The following CHN2 variants were observed in gnomAD, a reference collection of about 807,000 sequenced individuals.
CHN2 encodes chimerin 2.
Under a neutral mutation model 56.3 loss-of-function variants are expected in CHN2, and 35 were observed. The observed-to-expected ratio is 0.62, with a 90% CI of 0.47 to 0.82. The LOEUF is 0.82. Ranked by LOEUF, CHN2 falls within the 40% of genes least tolerant of loss-of-function variation. The probability of loss-of-function intolerance (pLI) is 0.00; values close to 1 mark genes in which losing one functional copy is unlikely to be tolerated. For synonymous variants in CHN2, 210 were observed against 212.8 expected (o/e 0.99, Z 0.12); for missense variants, 491 against 580.5 (o/e 0.85, Z 1.58).
At chr7:29,221,328 G>A (rs969482260) in intron 1 of CHN2, among the ~76,000 whole-genome samples, 1 of 152,166 alleles carries the variant, frequency 6.6e-6, no homozygotes, top group African/African-American at 2.4e-5. Flanking sequence ...TAACAAGAAT[G>A]CTGGATGCAA....
intron 2 of CHN2, among the ~76,000 whole-genome samples, chr7:29,166,433 C>T (rs558243040): frequency 6.6e-6 from 1 of 152,214 alleles, no homozygotes; most frequent in South Asian, 2.1e-4. Context: ...GAGAAGCCAT[C>T]TTGGCTTGAT....
At chr7:29,348,609 T>C (rs1243890965) in intron 1 of CHN2, among the ~76,000 whole-genome samples, 1 of 152,220 alleles carries the variant, frequency 6.6e-6, no homozygotes, top group African/African-American at 2.4e-5. Context: ...CATGACCTTT[T>C]GCAGCAGAAA....
At chr7:29,204,067 CTGTGTG>C (rs55930139) in intron 1 of CHN2, among the ~76,000 whole-genome samples, 29,250 of 128,422 alleles carry the variant, frequency 0.23, 3,035 homozygotes, top group Admixed American at 0.26. Context: ...TTCTCTCTCT[CTGTGTG>C]TGTGTGTGTG....
At position 29,512,564 on chromosome 7, in the gene CHN2, G is replaced by A; in HGVS notation, c.1236G>A (p.Lys412=). ...TCTGTTCTATATGTTTGTTTTGCAG[G>A]GTTACTATGAATGAAAAAGACAATT... is the stretch of plus-strand genomic sequence containing the variant. ...TLRYLMIHLK[K]VTMNEKDNFM... The change falls in exon 13 of 13, where the codon AAG becomes AAA. Residue 412 remains lysine (K), a splice_region_variant and synonymous_variant. Coordinates refer to ENST00000222792, the MANE Select transcript of CHN2 (RefSeq NM_004067.4). The A allele has an allele frequency of 6.2e-7, 1 of 1,611,158 alleles. No individual in the cohort carries two copies. Among genetic ancestry groups the A allele is most frequent in the South Asian group, 1.1e-5 (1 of 90,464 alleles).
At chr7:29,219,110 A>G (rs1314944627) in intron 1 of CHN2, among the ~76,000 whole-genome samples, 1 of 152,228 alleles carries the variant, frequency 6.6e-6, no homozygotes, top group Non-Finnish European at 1.5e-5. Flanking sequence ...TTGAAACCGC[A>G]GTGGCCCAGG....
intron 6 of CHN2, among the ~76,000 whole-genome samples, chr7:29,426,795 A>C (rs1323281052): frequency 1.3e-5 from 2 of 152,104 alleles, no homozygotes; most frequent in Non-Finnish European, 2.9e-5. Context: ...AATCTCATGC[A>C]AGTTATTGGC....
At position 29,212,430 on chromosome 7, in the gene CHN2, G is replaced by A. The variant is rs1785024572; in HGVS notation, c.49+17440G>A. 3 of 1,607,298 alleles carry A rather than the reference G, an allele frequency of 1.9e-6. No individual in the cohort carries two copies. In the African/African-American group the frequency reaches 4.0e-5, roughly 21 times the overall value. ...TCCATCCTTGCAAATGTCTTCTGCT[G>A]AGATGCCTCACACGGAGACTGTCTC... On this transcript the variant is annotated intron_variant, in intron 1 of 12. Coordinates refer to ENST00000222792, the MANE Select transcript of CHN2 (RefSeq NM_004067.4).
chr7:29,459,357 C>G (rs1315134905), intron 6 of CHN2, among the ~76,000 whole-genome samples: 1 of 152,142 alleles, frequency 6.6e-6, no homozygotes, highest in African/African-American at 2.4e-5. Context: ...TTGTTTTCCC[C>G]ATGTCATTTG....
chr7:29,304,344 G>A (rs1235540595), intron 1 of CHN2, among the ~76,000 whole-genome samples: 1 of 152,106 alleles, frequency 6.6e-6, no homozygotes, highest in African/African-American at 2.4e-5. Context: ...TGAGAGTTAA[G>A]AAACCAAAAA....
At position 29,252,578 on chromosome 7, in the gene CHN2, G is replaced by GTTGTTTTTTTTTTTTTTTTT. The variant is rs1788664962; in HGVS notation, c.49+57590_49+57591insGTTTTTTTTTTTTTTTTTTT. On this transcript the variant is annotated intron_variant, in intron 1 of 12. Transcript: ENST00000222792. ...CTGTTTGTCTAAAATTGCATTCTTT[G>GTTGTTTTTTTTTTTTTTTTT]TTTTTTTTTTTTTTTTTTTTTTTTT... Among the ~76,000 whole-genome samples, 2 of 19,488 alleles carry GTTGTTTTTTTTTTTTTTTTT rather than the reference G, an allele frequency of 1.0e-4. 1 individual carries two copies. Among genetic ancestry groups the GTTGTTTTTTTTTTTTTTTTT allele is most frequent in the African/African-American group, 6.2e-4 (2 of 3,244 alleles). The allele number at this position is 19,488 out of a possible 152,430, so 12.8% of individuals were successfully genotyped here. A position where few individuals can be genotyped will look rare whatever the true frequency, so the allele number is the denominator to read the frequency against.
At chr7:29,312,034 T>C (rs1472115564) in intron 1 of CHN2, among the ~76,000 whole-genome samples, 1 of 152,186 alleles carries the variant, frequency 6.6e-6, no homozygotes, top group East Asian at 1.9e-4. Context: ...TTGGGTATGA[T>C]TTGAGGCAAC....
chr7:29,353,633 A>C (rs944986067), intron 1 of CHN2, among the ~76,000 whole-genome samples: 4 of 152,042 alleles, frequency 2.6e-5, no homozygotes, highest in African/African-American at 9.7e-5. Context: ...CTCTGTCTCA[A>C]AAAAAAAGAA....
intron 7 of CHN2, chr7:29,483,969 G>T (rs990618901): frequency 2.2e-6 from 2 of 925,712 alleles, no homozygotes. Flanking sequence ...GTGGTCTCTG[G>T]CACCCAGTAA....
intron 9 of CHN2, 143 bp downstream of exon 9, chr7:29,500,183 T>C: frequency 1.9e-6 from 1 of 517,508 alleles, no homozygotes; most frequent in Non-Finnish European, 3.3e-6. Context: ...ACACTCTCTC[T>C]CTCTCACAGG....
chr7:29,185,752 C>A (rs545862916), intron 2 of CHN2, among the ~76,000 whole-genome samples: 2 of 152,150 alleles, frequency 1.3e-5, no homozygotes, highest in African/African-American at 2.4e-5. Context: ...AACCATCGCC[C>A]TAGGACCTTT....
intron 1 of CHN2, among the ~76,000 whole-genome samples, chr7:29,251,510 A>G (rs536413240): frequency 6.6e-6 from 1 of 152,340 alleles, no homozygotes; most frequent in East Asian, 1.9e-4. Flanking sequence ...GCCTTCTAAT[A>G]AGATTACTTT....
intron 1 of CHN2, among the ~76,000 whole-genome samples, chr7:29,227,520 C>T (rs1243150879): frequency 2.0e-5 from 3 of 152,166 alleles, no homozygotes; most frequent in Non-Finnish European, 4.4e-5. Flanking sequence ...TGACCAGCTT[C>T]GCCCAGAACC....
chr7:29,268,687 A>G (rs1199600200), intron 1 of CHN2, among the ~76,000 whole-genome samples: 2 of 152,176 alleles, frequency 1.3e-5, no homozygotes, highest in African/African-American at 2.4e-5. Context: ...AGAAGGCAAC[A>G]CAACAGCTGG....
chr7:29,393,037 G>A (rs1801484510), intron 3 of CHN2, among the ~76,000 whole-genome samples: 1 of 152,200 alleles, frequency 6.6e-6, no homozygotes, highest in South Asian at 2.1e-4. Context: ...TCATGTATGT[G>A]AGAAAAATCA....
Sources: gnomAD v4.1 joint callset for allele counts (sites outside exome capture counted in the v4.1 genomes callset) on GRCh38, gnomAD v4.1.1 for gene constraint, MANE v1.5 for transcripts, NCBI Gene and HGNC (gene_info 2026-07-23, HGNC 2026-07-21) for gene names.